Variants in CDX1 observed in about 807,000 individuals in gnomAD.
The protein encoded by CDX1 is caudal type homeobox 1.
CDX1 carries 9 observed loss-of-function variants against 16.9 expected under a neutral mutation model. The ratio of observed to expected loss-of-function variants is 0.53; its 90% CI spans 0.32 to 0.93. The LOEUF (loss-of-function observed/expected upper bound fraction) is 0.93. CDX1 is among the 40% of genes least tolerant of loss of function. The pLI is 0.04. For missense variants in CDX1, 393 were observed against 386.1 expected (o/e 1.02, Z -0.15); for synonymous variants, 179 against 179.0 (o/e 1.00, Z 0.00).
intron 1 of CDX1, among the ~76,000 whole-genome samples, chr5:150,177,567 C>T (rs1044878241): frequency 1.3e-5 from 2 of 152,186 alleles, no homozygotes; most frequent in African/African-American, 4.8e-5. Flanking sequence ...GGTTTTGAAT[C>T]CCACCTGCCT....
rs114893698 is a variant in CDX1, at chr5:150,168,458, G to A, written c.445+1137G>A. Among the ~76,000 whole-genome samples, 295 of 152,304 alleles carry A rather than the reference G, an allele frequency of 1.9e-3. 2 individuals are homozygous for A. Among genetic ancestry groups the A allele is most frequent in the African/African-American group, 6.8e-3 (282 of 41,548 alleles). ...TCCTATCTGCCTCCAGGGAGATGCA[G>A]GGAACCAGACTCTGCCACTTGCTTC... On this transcript the variant is annotated intron_variant, in intron 1 of 2. Transcript: ENST00000231656.
chr5:150,168,995 G>C (rs979335843), intron 1 of CDX1, among the ~76,000 whole-genome samples: 1 of 152,210 alleles, frequency 6.6e-6, no homozygotes, highest in Non-Finnish European at 1.5e-5. Context: ...GGTGGTGGCA[G>C]CACCAGTGCT....
At chr5:150,167,695 C>A (rs1047481524) in intron 1 of CDX1, among the ~76,000 whole-genome samples, 1 of 152,268 alleles carries the variant, frequency 6.6e-6, no homozygotes, top group East Asian at 1.9e-4. Context: ...CCTAACCCAG[C>A]CCTAGGCAAA....
Position 150,183,829 on chromosome 5 carries a change from GC to G in CDX1, c.*152del. 1 of 569,834 alleles carries G rather than the reference GC, an allele frequency of 1.8e-6. No individual in the cohort carries two copies. Among genetic ancestry groups the G allele is most frequent in the Non-Finnish European group, 3.0e-6 (1 of 331,484 alleles). 35.3% of individuals were successfully genotyped at this position (569,834 alleles called of 1,614,324 possible). On this transcript the variant is annotated 3_prime_UTR_variant, in exon 3 of 3. Coordinates refer to ENST00000231656, the MANE Select transcript of CDX1 (RefSeq NM_001804.3). ...CCTATCCACCCTCTGCATCCCCTTG[GC>G]CCATCTGTGCAGTAAGCCTGTTGGA...
chr5:150,167,140 T>G lies in CDX1; in HGVS notation c.264T>G (p.Ala88=), dbSNP rs1761435850. Residue 88 remains alanine (A), a synonymous_variant, in exon 1 of 3, where the codon GCT becomes GCG. Transcript: ENST00000231656. ...PGPAAPAASP[A]SLAFGPPPDF... ...CCGCGGCCCCTGCCGCCAGCCCAGC[T>G]TCGCTGGCATTCGGGCCCCCTCCAG... 2 of 1,322,124 alleles carry G rather than the reference T, an allele frequency of 1.5e-6. No individual in the cohort carries two copies. The highest frequency in any genetic ancestry group is 3.1e-5 in the African/African-American group (2 of 64,246). 81.9% of individuals were successfully genotyped at this position (1,322,124 alleles called of 1,614,324 possible). A position where few individuals can be genotyped will look rare whatever the true frequency, so the allele number is the denominator to read the frequency against.
intron 1 of CDX1, 104 bp from the exon 2 acceptor site, chr5:150,182,664 T>C (rs1169473435): frequency 4.3e-6 from 5 of 1,163,648 alleles, no homozygotes; most frequent in Non-Finnish European, 6.0e-6. Context: ...AGGGTCCTAC[T>C]TCAGGGAGCC....
At chr5:150,178,670 T>A (rs1761601406) in intron 1 of CDX1, among the ~76,000 whole-genome samples, 1 of 152,176 alleles carries the variant, frequency 6.6e-6, no homozygotes, top group African/African-American at 2.4e-5. Flanking sequence ...GATAAAGATT[T>A]AAAAAACCCA....
intron 1 of CDX1, among the ~76,000 whole-genome samples, chr5:150,169,257 C>T (rs1761472974): frequency 6.6e-6 from 1 of 152,066 alleles, no homozygotes; most frequent in Admixed American, 6.5e-5. Flanking sequence ...TGTCTCTGGG[C>T]ACGAGAGCTG....
At position 150,182,771 on chromosome 5, in the gene CDX1, AGACTCG is replaced by A; in HGVS notation, c.453_458del (p.Arg152_Thr153del). 1 of 1,569,240 alleles carries A rather than the reference AGACTCG, an allele frequency of 6.4e-7. No individual in the cohort carries two copies. Among genetic ancestry groups the A allele is most frequent in the Non-Finnish European group, 8.6e-7 (1 of 1,160,822 alleles). Reference sequence around the variant, plus strand: ...CCCGGCTCCTTCTGCTTCTCAGGTAAGACTCGGACCAAGGACAAGTACCGCGTGGTC... The same window carrying A: ...CCCGGCTCCTTCTGCTTCTCAGGTAAGACCAAGGACAAGTACCGCGTGGTC... On this transcript the variant is annotated inframe_deletion, in exon 2 of 3. Coordinates refer to ENST00000231656, the MANE Select transcript of CDX1 (RefSeq NM_001804.3).
Position 150,173,731 on chromosome 5 carries a change from T to C in CDX1, c.445+6410T>C, listed in dbSNP as rs1457874384. Among the ~76,000 whole-genome samples the C allele has an allele frequency of 2.0e-5, 3 of 152,344 alleles. No individual in the cohort carries two copies. The East Asian group carries it at 5.8e-4, about 29-fold the overall frequency. On this transcript the variant is annotated intron_variant, in intron 1 of 2. Transcript: ENST00000231656. ...TCAGTGTGTTCAGCATTTTTTCAAATGCAAGATTTCTGTCCCCGGAACAGC... is the reference window on the plus strand; with the variant it reads ...TCAGTGTGTTCAGCATTTTTTCAAACGCAAGATTTCTGTCCCCGGAACAGC...
chr5:150,170,200 G>A (rs188196091), intron 1 of CDX1, among the ~76,000 whole-genome samples: 1 of 152,260 alleles, frequency 6.6e-6, no homozygotes, highest in African/African-American at 2.4e-5. Context: ...TTGCAAGAGT[G>A]GAACCTTCTT....
At chr5:150,174,776 CTT>C (rs5872160) in intron 1 of CDX1, among the ~76,000 whole-genome samples, 3 of 142,678 alleles carry the variant, frequency 2.1e-5, no homozygotes, top group Non-Finnish European at 3.0e-5. Context: ...TCTCTCCTGC[CTT>C]TTTTTTTTTT....
At position 150,183,657 on chromosome 5, in the gene CDX1, G is replaced by A; in HGVS notation, c.775G>A (p.Val259Met). 2 of 1,593,502 alleles carry A rather than the reference G, an allele frequency of 1.3e-6. No individual in the cohort carries two copies. Among genetic ancestry groups the A allele is most frequent in the Non-Finnish European group, 1.7e-6 (2 of 1,167,686 alleles). The stretch of plus-strand genomic sequence containing the variant: ...CCTGGCCACCTCCTCTCCAATGCCT[G>A]TGAAAGAGGAGTTTCTGCCATAGCC... ...SLLATSSPMP[V>M]KEEFLP Residue 259 changes from valine (V) to methionine (M), a missense_variant, in exon 3 of 3, where the codon GTG (valine) becomes ATG (methionine). By Grantham distance (21) the Val-to-Met change is conservative. Transcript: ENST00000231656.
Position 150,166,812 on chromosome 5 carries a change from G to A in CDX1, c.-65G>A, listed in dbSNP as rs771322109. 8.2e-7 allele frequency: 1 copy of A among 1,213,072 alleles called. No homozygotes were observed. 75.1% of individuals were successfully genotyped at this position (1,213,072 alleles called of 1,614,324 possible). A position where few individuals can be genotyped will look rare whatever the true frequency, so the allele number is the denominator to read the frequency against. On this transcript the variant is annotated 5_prime_UTR_variant, in exon 1 of 3. Coordinates refer to ENST00000231656, the MANE Select transcript of CDX1 (RefSeq NM_001804.3). ...GCCGAGTTCAGGTGAGCGGTTGCTC[G>A]TCGTCGGGGCGGCCGGCAGCGGCGG...
At chr5:150,183,239 G>A (rs1224532886) in intron 2 of CDX1, among the ~76,000 whole-genome samples, 1 of 152,160 alleles carries the variant, frequency 6.6e-6, no homozygotes, top group Non-Finnish European at 1.5e-5. Flanking sequence ...AAGAAGTGTG[G>A]CCTGGGAAGA....
chr5:150,182,747 C>T, intron 1 of CDX1, 21 bp from the exon 2 acceptor site: 1 of 1,539,444 alleles, frequency 6.5e-7, no homozygotes, highest in South Asian at 1.3e-5. Flanking sequence ...ACCTTCCTTC[C>T]CGGCTCCTTC....
chr5:150,178,551 C>G (rs1170161213), intron 1 of CDX1, among the ~76,000 whole-genome samples: 1 of 152,206 alleles, frequency 6.6e-6, no homozygotes, highest in Non-Finnish European at 1.5e-5. Flanking sequence ...CCGCTCCTTC[C>G]CAGGCTCCAG....
chr5:150,183,789 C>T lies in CDX1; in HGVS notation c.*109C>T. 1.2e-6 allele frequency: 1 copy of T among 864,080 alleles called. No individual in the cohort carries two copies. 53.5% of individuals were successfully genotyped at this position (864,080 alleles called of 1,614,324 possible). ...GAGTCTCAGCCCTGACCTTCTGGGA[C>T]ATGGTGGACAGTCACCTATCCACCC... On this transcript the variant is annotated 3_prime_UTR_variant, in exon 3 of 3. Transcript: ENST00000231656.
chr5:150,182,654 A>T, intron 1 of CDX1, 114 bp from the exon 2 acceptor site: 1 of 973,612 alleles, frequency 1.0e-6, no homozygotes, highest in Non-Finnish European at 1.5e-6. Flanking sequence ...TCCCCACCTC[A>T]GGGTCCTACT....
Sources: gnomAD v4.1 joint callset for allele counts (sites outside exome capture counted in the v4.1 genomes callset) on GRCh38, gnomAD v4.1.1 for gene constraint, MANE v1.5 for transcripts, NCBI Gene and HGNC (gene_info 2026-07-23, HGNC 2026-07-21) for gene names.